SMYD4: variants seen among roughly 807,000 people sequenced by gnomAD.
The protein encoded by SMYD4 is protein-lysine N-methyltransferase SMYD4.
In SMYD4, 68 loss-of-function variants were observed where a neutral mutation model predicts 72.8. That is an observed-to-expected ratio of 0.93 (90% CI 0.77 to 1.14). The LOEUF is 1.14. SMYD4 is among the 50% of genes most tolerant of loss of function. The pLI is 0.00. For synonymous variants in SMYD4, 407 were observed against 388.6 expected (o/e 1.05, Z -0.56); for missense variants, 984 against 1,003.7 (o/e 0.98, Z 0.27).
intron 3 of SMYD4, among the ~76,000 whole-genome samples, chr17:1,806,515 T>C (rs1910041703): frequency 6.6e-6 from 1 of 152,148 alleles, no homozygotes; most frequent in African/African-American, 2.4e-5. Context: ...ATATGGACAA[T>C]TCTCACAGGA....
chr17:1,793,090 G>GT (rs1909150472), intron 5 of SMYD4, among the ~76,000 whole-genome samples: 3 of 152,012 alleles, frequency 2.0e-5, no homozygotes, highest in African/African-American at 4.8e-5. Context: ...GCTAATTTTT[G>GT]TATTTTTGTA....
At chr17:1,786,750 C>G (rs917434974) in intron 7 of SMYD4, 60 bp downstream of exon 7, 36 of 1,601,348 alleles carry the variant, frequency 2.2e-5, no homozygotes, top group Non-Finnish European at 2.9e-5. Context: ...AAACACTGAT[C>G]ACCCTTGGGG....
intron 2 of SMYD4, among the ~76,000 whole-genome samples, chr17:1,819,331 T>TGGGAGACAGAGAGAGACTAC (rs1910780838): frequency 6.6e-6 from 1 of 152,160 alleles, no homozygotes; most frequent in African/African-American, 2.4e-5. Context: ...CACTCCAGCC[T>TGGGAGACAGAGAGAGACTAC]GGGAGACAGA....
chr17:1,781,999 G>T (rs1401370119), intron 10 of SMYD4: 1 of 152,346 alleles, frequency 6.6e-6, no homozygotes, highest in African/African-American at 2.4e-5. Context: ...ACAGCCTTAG[G>T]TTGAAGCTTT....
chr17:1,828,244 G>A (rs755082320), intron 1 of SMYD4, among the ~76,000 whole-genome samples: 18 of 151,700 alleles, frequency 1.2e-4, no homozygotes, highest in African/African-American at 3.1e-4. Context: ...CCAGCTACTC[G>A]GGAGGCTGAG....
At chr17:1,825,694 T>G (rs1911133794) in intron 2 of SMYD4, among the ~76,000 whole-genome samples, 2 of 151,912 alleles carry the variant, frequency 1.3e-5, no homozygotes, top group African/African-American at 4.8e-5. Flanking sequence ...AAAATTTGTT[T>G]ATAGAGATGG....
At chr17:1,790,984 G>C (rs1000752493) in intron 5 of SMYD4, among the ~76,000 whole-genome samples, 1 of 151,316 alleles carries the variant, frequency 6.6e-6, no homozygotes, top group Non-Finnish European at 1.5e-5. Context: ...AAAATTAGCC[G>C]GGCATGGTGG....
At position 1,784,416 on chromosome 17, in the gene SMYD4, C is replaced by T. The variant is rs776759479; in HGVS notation, c.1930G>A (p.Ala644Thr). ...GAGACCAGGTGGTCCCTGCTGACGG[C>T]GGATTCTGCACAAGATCTGCTGCCA... ...RCGSRSCAESAVSRDHLVSRL... is the reference protein window; with the variant it reads ...RCGSRSCAESTVSRDHLVSRL... The change falls in exon 8 of 11, where the codon GCC becomes ACC. Residue 644 changes from alanine (A) to threonine (T), a missense_variant. Coordinates refer to ENST00000305513, the MANE Select transcript of SMYD4 (RefSeq NM_052928.3). The T allele has an allele frequency of 1.7e-5, 28 of 1,614,048 alleles. No individual in the cohort carries two copies. The highest frequency in any genetic ancestry group is 4.5e-5 in the East Asian group (2 of 44,892).
At chr17:1,786,602 C>T (rs781484966) in intron 7 of SMYD4, among the ~76,000 whole-genome samples, 11 of 152,174 alleles carry the variant, frequency 7.2e-5, no homozygotes, top group Non-Finnish European at 1.0e-4. Flanking sequence ...ATCTTCTGTC[C>T]TTTATAAAGG....
intron 10 of SMYD4, chr17:1,782,763 A>C: frequency 4.0e-6 from 1 of 252,274 alleles, no homozygotes; most frequent in Non-Finnish European, 7.3e-6. Flanking sequence ...CCCAGGAGGA[A>C]ATTCTTTTTT....
chr17:1,789,698 G>A (rs60383828), intron 5 of SMYD4, among the ~76,000 whole-genome samples: 140,893 of 148,194 alleles, frequency 0.95, 67,277 homozygotes, highest in Non-Finnish European at 0.99. Flanking sequence ...CTGGGAGGTG[G>A]AGGTTGCAGT....
rs774709235 is a variant in SMYD4 at position 1,800,099 on chromosome 17, G to A, written c.1295C>T (p.Thr432Ile). ...YNAVFNLLPH[T>I]ENHSPEHKFL... ...TTTGTGCTCTGGGCTATGGTTTTCAGTGTGGGGCAAAAGGTTGAAGACAGC... is the reference window on the plus strand; with the variant it reads ...TTTGTGCTCTGGGCTATGGTTTTCAATGTGGGGCAAAAGGTTGAAGACAGC... The change falls in exon 5 of 11, where the codon ACT becomes ATT. Residue 432 changes from threonine to isoleucine, a missense_variant. Physicochemically the swap from Thr to Ile is moderately conservative, Grantham distance 89. Coordinates refer to ENST00000305513, the MANE Select transcript of SMYD4 (RefSeq NM_052928.3). The A allele has an allele frequency of 1.9e-6, 3 of 1,611,430 alleles. No homozygotes were observed. In the Admixed American group the frequency reaches 5.0e-5, roughly 27 times the overall value.
chr17:1,805,821 A>G (rs1038745298), intron 3 of SMYD4, among the ~76,000 whole-genome samples: 21 of 140,532 alleles, frequency 1.5e-4, no homozygotes, highest in Non-Finnish European at 2.7e-4. Context: ...CAAAAAAATA[A>G]ATTAATAATA....
At chr17:1,784,654 C>T in intron 7 of SMYD4, 193 bp from the exon 8 acceptor site, 1 of 792,590 alleles carries the variant, frequency 1.3e-6, no homozygotes, top group Non-Finnish European at 1.5e-6. Flanking sequence ...TGAAGTGTAT[C>T]AGCAGTAGCT....
At chr17:1,803,197 C>G (rs1030195655) in intron 4 of SMYD4, among the ~76,000 whole-genome samples, 1 of 152,132 alleles carries the variant, frequency 6.6e-6, no homozygotes, top group Non-Finnish European at 1.5e-5. Context: ...TCAACTTTTT[C>G]TCTGTTGCAA....
intron 2 of SMYD4, among the ~76,000 whole-genome samples, chr17:1,813,074 G>T (rs924383054): frequency 6.6e-6 from 1 of 152,154 alleles, no homozygotes; most frequent in Non-Finnish European, 1.5e-5. Flanking sequence ...GAGTAGCGGG[G>T]ATTACAGGCA....
Position 1,787,457 on chromosome 17 carries a change from C to A in SMYD4, c.1685G>T (p.Arg562Leu). ...GAGAATCTCTTGCCCCTTTCTAATCCGCTGTGACGCCCGGATGGTGGCGAC... is the reference window on the plus strand; with the variant it reads ...GAGAATCTCTTGCCCCTTTCTAATCAGCTGTGACGCCCGGATGGTGGCGAC... ...STVATIRASQ[R>L]IRKGQEILHC... Residue 562 changes from arginine (R) to leucine (L), a missense_variant, in exon 6 of 11, where the codon CGG (arginine) becomes CTG (leucine). Transcript: ENST00000305513. The A allele has an allele frequency of 6.4e-7, 1 of 1,561,720 alleles. No individual in the cohort carries two copies. The highest frequency in any genetic ancestry group is 2.4e-5 in the East Asian group (1 of 42,154).
intron 3 of SMYD4, 113 bp from the exon 4 acceptor site, chr17:1,804,828 C>A: frequency 9.8e-7 from 1 of 1,016,838 alleles, no homozygotes; most frequent in East Asian, 2.7e-5. Context: ...GGGAAAGTTA[C>A]TGAACCTCTT....
Position 1,783,426 on chromosome 17 carries a change from G to T in SMYD4, c.2071C>A (p.Leu691Met). Residue 691 changes from leucine (L) to methionine (M), a missense_variant, in exon 9 of 11, where the codon CTG becomes ATG. Physicochemically the swap from Leu to Met is conservative, Grantham distance 15 (BLOSUM62 2). Coordinates refer to ENST00000305513, the MANE Select transcript of SMYD4 (RefSeq NM_052928.3). ...CCCACCACGGCGTGCTCTGCCCACA[G>T]GAAGCTCTCGGCGTCACGCTGGCAC... ...SGCQRDAESF[L>M]WAEHAVVGEI... 1 of 1,612,806 alleles carries T rather than the reference G, an allele frequency of 6.2e-7. No homozygotes were observed. The highest frequency in any genetic ancestry group is 8.5e-7 in the Non-Finnish European group (1 of 1,179,954).
Sources: gnomAD v4.1 joint callset for allele counts (sites outside exome capture counted in the v4.1 genomes callset) on GRCh38, gnomAD v4.1.1 for gene constraint, MANE v1.5 for transcripts, NCBI Gene and HGNC (gene_info 2026-07-23, HGNC 2026-07-21) for gene names.